The following KCNN2 variants were observed in gnomAD, a reference collection of about 807,000 sequenced individuals.
KCNN2 encodes the protein potassium calcium-activated channel subfamily N member 2, also known as small conductance calcium-activated potassium channel protein 2.
In KCNN2, 24 loss-of-function variants were observed where a neutral mutation model predicts 55.5. The ratio of observed to expected loss-of-function variants is 0.43; its 90% CI spans 0.31 to 0.61. The LOEUF (loss-of-function observed/expected upper bound fraction) is 0.61. Ranked by LOEUF, KCNN2 falls within the 20% of genes least tolerant of loss-of-function variation. The probability of loss-of-function intolerance (pLI) is 0.08; values close to 1 mark genes in which losing one functional copy is unlikely to be tolerated. For synonymous variants in KCNN2, 431 were observed against 336.1 expected (o/e 1.28, Z -3.09); for missense variants, 754 against 853.6 (o/e 0.88, Z 1.45).
intron 1 of KCNN2, among the ~76,000 whole-genome samples, chr5:114,141,427 C>G (rs1752277859): frequency 1.3e-5 from 2 of 151,990 alleles, no homozygotes; most frequent in Non-Finnish European, 2.9e-5. Context: ...TGATGGTTTC[C>G]AGCTTCATGC....
chr5:114,362,710 C>G lies in KCNN2; in HGVS notation c.571C>G (p.Pro191Ala). The G allele has an allele frequency of 6.7e-7, 1 of 1,498,018 alleles. No individual in the cohort carries two copies. The allele number at this position is 1,498,018 out of a possible 1,614,324, so 92.8% of individuals were successfully genotyped here. Reference sequence around the variant, plus strand: ...CTCGCACCACCACCACCACCCGCACCCGGCGCACCACCAGCACCACCAGCC... The same window carrying G: ...CTCGCACCACCACCACCACCCGCACGCGGCGCACCACCAGCACCACCAGCC... The part of the protein sequence containing the change: ...PLSHHHHHPH[P>A]AHHQHHQPQA... Residue 191 changes from proline (P) to alanine (A), a missense_variant, in exon 1 of 8, where the codon CCG (proline) becomes GCG (alanine). Around this residue, in one of 4 missense-constraint regions of KCNN2, gnomAD observed 381 missense variants for 259.1 expected, o/e 1.47. Coordinates refer to ENST00000673685, the MANE Select transcript of KCNN2 (RefSeq NM_021614.4).
At chr5:114,163,836 A>G (rs1752850852) in intron 1 of KCNN2, among the ~76,000 whole-genome samples, 1 of 152,230 alleles carries the variant, frequency 6.6e-6, no homozygotes, top group Non-Finnish European at 1.5e-5. Flanking sequence ...ATAAGTAGCC[A>G]GTAAATGGTT....
At chr5:114,271,687 T>A (rs899780094) in intron 2 of KCNN2, among the ~76,000 whole-genome samples, 1 of 152,164 alleles carries the variant, frequency 6.6e-6, no homozygotes, top group Admixed American at 6.5e-5. Flanking sequence ...ATATTCTTCC[T>A]CCCCCTACTC....
Position 114,461,218 on chromosome 5 carries a change from A to G in KCNN2, c.1638-1831A>G, listed in dbSNP as rs141497622. ...CTTCCTAGGTATATATTAGGTAACA[A>G]AGATTCTCAGGGGAAATGCACTCAG... On this transcript the variant is annotated intron_variant, in intron 3 of 7. Transcript: ENST00000673685. Among the ~76,000 whole-genome samples, 52 of 152,288 alleles carry G rather than the reference A, an allele frequency of 3.4e-4. No individual in the cohort carries two copies. The East Asian group carries it at 4.8e-3, about 14-fold the overall frequency.
chr5:114,254,343 C>A (rs750498724), intron 2 of KCNN2, among the ~76,000 whole-genome samples: 2 of 152,126 alleles, frequency 1.3e-5, no homozygotes, highest in Non-Finnish European at 2.9e-5. Context: ...ATGTCTGAAT[C>A]CTGTATATGC....
chr5:114,390,939 G>A (rs1366248103), intron 2 of KCNN2, among the ~76,000 whole-genome samples: 2 of 152,058 alleles, frequency 1.3e-5, no homozygotes, highest in Non-Finnish European at 2.9e-5. Flanking sequence ...TGAAAGGGGA[G>A]TAAGATTCTA....
At chr5:114,131,394 T>C (rs2112612185) in intron 1 of KCNN2, among the ~76,000 whole-genome samples, 1 of 152,320 alleles carries the variant, frequency 6.6e-6, no homozygotes, top group East Asian at 1.9e-4. Flanking sequence ...TGGTTTTCTG[T>C]TCCTGTTAAT....
intron 1 of KCNN2, among the ~76,000 whole-genome samples, chr5:114,210,866 G>A (rs1375814364): frequency 6.6e-6 from 1 of 152,102 alleles, no homozygotes; most frequent in Non-Finnish European, 1.5e-5. Flanking sequence ...TTCACTGAAT[G>A]TGAGGGCCCT....
intron 3 of KCNN2, among the ~76,000 whole-genome samples, chr5:114,445,813 C>T (rs372837022): frequency 1.3e-5 from 2 of 152,294 alleles, no homozygotes; most frequent in Admixed American, 1.3e-4. Context: ...ATGAGAGACA[C>T]TCTCTTTTAT....
chr5:114,394,880 C>A (rs113928805), intron 2 of KCNN2, among the ~76,000 whole-genome samples: 10 of 152,234 alleles, frequency 6.6e-5, no homozygotes, highest in African/African-American at 2.4e-4. Context: ...TAATGATTAA[C>A]TTATGTTTTA....
At chr5:114,227,651 C>CG (rs1754264001) in intron 2 of KCNN2, among the ~76,000 whole-genome samples, 1 of 152,066 alleles carries the variant, frequency 6.6e-6, no homozygotes, top group African/African-American at 2.4e-5. Flanking sequence ...TAATGCTTTT[C>CG]GTAGCAGGCT....
chr5:114,486,903 A>G (rs1747578496), intron 5 of KCNN2, 147 bp from the exon 6 acceptor site: 1 of 1,182,180 alleles, frequency 8.5e-7, no homozygotes, highest in East Asian at 2.5e-5. Context: ...AAAGGCATAG[A>G]TTAAAGAAAA....
At chr5:114,192,739 G>A (rs775288984) in intron 1 of KCNN2, among the ~76,000 whole-genome samples, 4 of 152,082 alleles carry the variant, frequency 2.6e-5, no homozygotes, top group Non-Finnish European at 5.9e-5. Flanking sequence ...GAAATGTAAA[G>A]AACTCAAATC....
At chr5:114,121,728 T>G (rs1751833580) in intron 1 of KCNN2, among the ~76,000 whole-genome samples, 1 of 152,210 alleles carries the variant, frequency 6.6e-6, no homozygotes, top group Admixed American at 6.5e-5. Context: ...ATATCCTCTC[T>G]TGCCTCTGAT....
intron 3 of KCNN2, among the ~76,000 whole-genome samples, chr5:114,425,142 T>A (rs1172749755): frequency 6.6e-6 from 1 of 152,092 alleles, no homozygotes; most frequent in Non-Finnish European, 1.5e-5. Context: ...ATTCAGTAAA[T>A]GAAAGATACT....
rs928653660 is a variant in KCNN2 at position 114,349,041 on chromosome 5, A to G, written c.-184-11904A>G. On this transcript the variant is annotated intron_variant, in intron 2 of 10. Coordinates refer to the KCNN2 transcript ENST00000512097. ...TGATCATACCAAGAAGAAACACTGT[A>G]CCTATTATCACTTACTCTAATTTGC... Among the ~76,000 whole-genome samples the G allele has an allele frequency of 2.6e-5, 4 of 152,070 alleles. No homozygotes were observed. In the East Asian group the frequency reaches 5.8e-4, roughly 22 times the overall value.
intron 3 of KCNN2, among the ~76,000 whole-genome samples, chr5:114,432,924 A>G (rs1337640066): frequency 1.3e-5 from 2 of 152,162 alleles, no homozygotes; most frequent in African/African-American, 2.4e-5. Context: ...CCCGCGGGGC[A>G]TGGCTGGGGA....
chr5:114,270,338 A>T (rs1235147892), intron 2 of KCNN2, among the ~76,000 whole-genome samples: 1 of 152,200 alleles, frequency 6.6e-6, no homozygotes, highest in African/African-American at 2.4e-5. Flanking sequence ...TTAGGACAAG[A>T]ATGCGCTAAC....
chr5:114,141,189 G>C (rs112951363), intron 1 of KCNN2, among the ~76,000 whole-genome samples: 1 of 151,930 alleles, frequency 6.6e-6, no homozygotes, highest in Non-Finnish European at 1.5e-5. Flanking sequence ...GTGCAGGTTT[G>C]TTACATATGT....
Sources: gnomAD v4.1 joint callset for allele counts (sites outside exome capture counted in the v4.1 genomes callset) on GRCh38, gnomAD v4.1.1 for gene constraint, gnomAD v4.1.1 regional missense constraint, MANE v1.5 for transcripts, NCBI Gene and HGNC (gene_info 2026-07-23, HGNC 2026-07-21) for gene names.